Variants in PSD3 observed in about 807,000 individuals in gnomAD.
PSD3 encodes the protein pleckstrin and Sec7 domain containing 3.
PSD3 carries 49 observed loss-of-function variants against 105.5 expected under a neutral mutation model. That is an observed-to-expected ratio of 0.46 (90% CI 0.37 to 0.59). The LOEUF (loss-of-function observed/expected upper bound fraction) is 0.59. PSD3 is among the 20% of genes least tolerant of loss of function. The probability of loss-of-function intolerance (pLI) is 0.00; values close to 1 mark genes in which losing one functional copy is unlikely to be tolerated. For synonymous variants in PSD3, 557 were observed against 457.8 expected, an observed-to-expected ratio of 1.22 and a Z score of -2.77; for missense variants, 1,561 against 1,263.8, an observed-to-expected ratio of 1.24 and a Z score of -3.57.
At chr8:18,982,757 G>A (rs1333322645) in intron 1 of PSD3, among the ~76,000 whole-genome samples, 1 of 152,174 alleles carries the variant, frequency 6.6e-6, no homozygotes, top group Non-Finnish European at 1.5e-5. Context: ...AGTAAACCAT[G>A]CTGCTAATAG....
At chr8:18,626,205 T>A (rs1375529261) in intron 11 of PSD3, among the ~76,000 whole-genome samples, 1 of 151,840 alleles carries the variant, frequency 6.6e-6, no homozygotes, top group Non-Finnish European at 1.5e-5. Flanking sequence ...CTCCAAGGTT[T>A]AAAAATATGG....
chr8:18,780,953 T>C (rs1414385717), intron 8 of PSD3, among the ~76,000 whole-genome samples: 1 of 152,190 alleles, frequency 6.6e-6, no homozygotes, highest in Non-Finnish European at 1.5e-5. Flanking sequence ...GCCAGTAGAG[T>C]GGTGATTAAC....
chr8:19,016,377 G>C (rs1027553824), upstream of PSD3, among the ~76,000 whole-genome samples: 10 of 152,138 alleles, frequency 6.6e-5, no homozygotes. Context: ...AAGAAGAAAA[G>C]GAAGATGAAA....
At chr8:18,631,034 C>T (rs1167341552) in intron 11 of PSD3, among the ~76,000 whole-genome samples, 5 of 152,008 alleles carry the variant, frequency 3.3e-5, no homozygotes, top group Non-Finnish European at 5.9e-5. Context: ...ACGGTATTTT[C>T]GTATTTTTCA....
At chr8:18,559,309 T>A (rs1319909582) in intron 14 of PSD3, among the ~76,000 whole-genome samples, 4 of 152,224 alleles carry the variant, frequency 2.6e-5, no homozygotes, top group Admixed American at 2.0e-4. Flanking sequence ...TGTTGCTAAT[T>A]TCATAGGTAA....
intron 15 of PSD3, among the ~76,000 whole-genome samples, chr8:18,555,658 T>G (rs982413149): frequency 3.9e-5 from 6 of 152,204 alleles, no homozygotes; most frequent in African/African-American, 1.4e-4. Context: ...TGCCATAGCA[T>G]ATGGATCCTC....
rs184282961 is a variant in PSD3 at position 18,791,918 on chromosome 8, A to G, written c.2082+7377T>C. 2.4e-3 allele frequency among the ~76,000 whole-genome samples: 367 copies of G among 152,320 alleles called. 3 individuals are homozygous for G. The highest frequency in any genetic ancestry group is 7.9e-3 in the African/African-American group (330 of 41,582). ...ACATTAAAAAGTGGGCAAAGGACACAAAGAGACACTTCTCAAAAGACATAT... is the reference window on the plus strand; with the variant it reads ...ACATTAAAAAGTGGGCAAAGGACACGAAGAGACACTTCTCAAAAGACATAT... On this transcript the variant is annotated intron_variant, in intron 8 of 15. Coordinates refer to ENST00000327040, the MANE Select transcript of PSD3 (RefSeq NM_015310.4).
intron 2 of PSD3, among the ~76,000 whole-genome samples, chr8:18,896,972 G>C (rs529579139): frequency 1.3e-5 from 2 of 151,724 alleles, no homozygotes; most frequent in Non-Finnish European, 2.9e-5. Context: ...CACCATGCTC[G>C]GCTAATTTTG....
intron 10 of PSD3, among the ~76,000 whole-genome samples, chr8:18,636,971 T>A (rs569055916): frequency 2.9e-4 from 44 of 152,346 alleles, no homozygotes; most frequent in African/African-American, 1.1e-3. Context: ...ACCATCCCAA[T>A]TAATTTATAT....
intron 2 of PSD3, among the ~76,000 whole-genome samples, chr8:18,932,249 C>T (rs1354915743): frequency 6.6e-6 from 1 of 152,166 alleles, no homozygotes; most frequent in Non-Finnish European, 1.5e-5. Flanking sequence ...TCCACAGGCA[C>T]CTGTCGTAGG....
chr8:18,573,271 A>T (rs1585275593), intron 13 of PSD3, among the ~76,000 whole-genome samples: 1 of 152,126 alleles, frequency 6.6e-6, no homozygotes, highest in African/African-American at 2.4e-5. Flanking sequence ...GGAGTTCAAG[A>T]CCAGCCTGGC....
At chr8:19,024,830 T>C (rs1827487050) in intron 1 of PSD3, among the ~76,000 whole-genome samples, 1 of 152,170 alleles carries the variant, frequency 6.6e-6, no homozygotes, top group Non-Finnish European at 1.5e-5. Flanking sequence ...ATGAAAACCC[T>C]GAAGCATCCC....
chr8:18,664,242 C>G (rs902478113), intron 9 of PSD3, among the ~76,000 whole-genome samples: 3 of 152,062 alleles, frequency 2.0e-5, no homozygotes, highest in Non-Finnish European at 2.9e-5. Context: ...GTTTCTTGCA[C>G]CAGTTAACCA....
chr8:18,876,371 G>T (rs1441975036), intron 2 of PSD3, among the ~76,000 whole-genome samples: 1 of 151,934 alleles, frequency 6.6e-6, no homozygotes, highest in African/African-American at 2.4e-5. Context: ...AAGTTTCAGG[G>T]TCTAAATACA....
At position 18,673,149 on chromosome 8, in the gene PSD3, GC is replaced by G. The variant is rs200948823; in HGVS notation, c.2173-17465del. 7.8e-3 allele frequency among the ~76,000 whole-genome samples: 1,181 copies of G among 151,674 alleles called. 14 individuals are homozygous for G. The highest frequency in any genetic ancestry group is 0.028 in the African/African-American group (1,141 of 41,302). On this transcript the variant is annotated intron_variant, in intron 9 of 15. Transcript: ENST00000327040. ...CAATATGATCTATTGACTTTCAACTGCAGAACTCTGGAAAGTGAACATTTAT... is the reference window on the plus strand; with the variant it reads ...CAATATGATCTATTGACTTTCAACTGAGAACTCTGGAAAGTGAACATTTAT...
chr8:18,777,241 C>T (rs1808189910), intron 8 of PSD3, among the ~76,000 whole-genome samples: 1 of 152,086 alleles, frequency 6.6e-6, no homozygotes, highest in South Asian at 2.1e-4. Context: ...CAGGGTTTCA[C>T]CATGTTGGCC....
chr8:18,941,573 C>A (rs1822539649), intron 1 of PSD3, among the ~76,000 whole-genome samples: 1 of 150,546 alleles, frequency 6.6e-6, no homozygotes, highest in Non-Finnish European at 1.5e-5. Flanking sequence ...TTCACATTTA[C>A]AAAGAATTAC....
chr8:18,592,685 C>CA (rs145657378), intron 12 of PSD3, among the ~76,000 whole-genome samples: 2 of 151,804 alleles, frequency 1.3e-5, no homozygotes, highest in African/African-American at 4.8e-5. Context: ...TCAAGGTGCT[C>CA]AAAAAAACAA....
Position 18,991,645 on chromosome 8 carries a change from G to C in PSD3, c.21+21918C>G, listed in dbSNP as rs541369542. ...AATTCATATACATGCAAAACAAACA[G>C]TGTTAATTAAGTTAGAGGTGTCATT... is the stretch of plus-strand genomic sequence containing the variant. On this transcript the variant is annotated intron_variant, in intron 1 of 15. Transcript: ENST00000327040. Among the ~76,000 whole-genome samples the C allele has an allele frequency of 2.2e-4, 33 of 152,268 alleles. No homozygotes were observed. In the South Asian group the frequency reaches 6.6e-3, roughly 31 times the overall value.
Sources: gnomAD v4.1 joint callset for allele counts (sites outside exome capture counted in the v4.1 genomes callset) on GRCh38, gnomAD v4.1.1 for gene constraint, MANE v1.5 for transcripts, NCBI Gene and HGNC (gene_info 2026-07-23, HGNC 2026-07-21) for gene names.